Variants in TP53BP1 observed in about 807,000 individuals in gnomAD.
TP53BP1 encodes TP53-binding protein 1.
In TP53BP1, 61 loss-of-function variants were observed where a neutral mutation model predicts 200.8. That is an observed-to-expected ratio of 0.30 (90% CI 0.25 to 0.38). The LOEUF (loss-of-function observed/expected upper bound fraction) is 0.38, where lower values mean the gene tolerates loss of function less well. TP53BP1 is among the 10% of genes least tolerant of loss of function. The pLI, the probability that TP53BP1 is intolerant of heterozygous loss-of-function variation, is 1.00. For synonymous variants in TP53BP1, 822 were observed against 844.3 expected, an observed-to-expected ratio of 0.97 and a Z score of 0.46; for missense variants, 2,144 against 2,371.9, an observed-to-expected ratio of 0.90 and a Z score of 2.00.
chr15:43,481,081 A>G, intron 4 of TP53BP1, 59 bp from the exon 5 acceptor site: 1 of 1,606,038 alleles, frequency 6.2e-7, no homozygotes, highest in Non-Finnish European at 8.5e-7. Flanking sequence ...CTTTAATCAG[A>G]GCACTCTGAC....
At chr15:43,442,519 A>G (rs1436876400) in intron 14 of TP53BP1, among the ~76,000 whole-genome samples, 1 of 150,348 alleles carries the variant, frequency 6.7e-6, no homozygotes, top group Non-Finnish European at 1.5e-5. Context: ...TTTTTTGGAG[A>G]CAGAGTCTTA....
At chr15:43,410,679 A>G (rs959543839) in intron 24 of TP53BP1, among the ~76,000 whole-genome samples, 4 of 152,156 alleles carry the variant, frequency 2.6e-5, no homozygotes, top group African/African-American at 7.2e-5. Context: ...AATCCAGTGC[A>G]TAAGGTTCAA....
In TP53BP1 at chr15:43,479,490, G is replaced by C. The variant is rs751495021; in HGVS notation, c.695C>G (p.Pro232Arg). 1.9e-6 allele frequency: 3 copies of C among 1,613,468 alleles called. No homozygotes were observed. Among genetic ancestry groups the C allele is most frequent in the South Asian group, 2.2e-5 (2 of 90,990 alleles). The change falls in exon 7 of 28, where the codon CCC becomes CGC. Residue 232 changes from proline to arginine, a missense_variant. Physicochemically the swap from Pro to Arg is moderately radical, Grantham distance 103 (BLOSUM62 -2). Around this residue, in one of 4 missense-constraint regions of TP53BP1, gnomAD observed 1,700 missense variants for 1,710.3 expected, o/e 0.99. Coordinates refer to ENST00000382044, the MANE Select transcript of TP53BP1 (RefSeq NM_001141980.3). ...GTCCTTGCTGGACTGTTCTGCTATG[G>C]GGATATCTTCGTTGGACTGTTCTTC... ...KHEEQSNEDIPIAEQSSKDIP... is the reference protein window; with the variant it reads ...KHEEQSNEDIRIAEQSSKDIP...
chr15:43,407,739 G>C (rs2044959170), intron 27 of TP53BP1, 169 bp from the exon 28 acceptor site: 3 of 781,840 alleles, frequency 3.8e-6, no homozygotes, highest in Non-Finnish European at 6.0e-6. Context: ...TAATCACTAT[G>C]TGCTGACCTT....
chr15:43,433,153 A>G (rs1278664515), intron 16 of TP53BP1, among the ~76,000 whole-genome samples: 1 of 152,006 alleles, frequency 6.6e-6, no homozygotes, highest in Admixed American at 6.6e-5. Context: ...TCCCCACCTG[A>G]GCAATATTTT....
intron 23 of TP53BP1, chr15:43,415,202 C>CTTTT (rs763958465): frequency 2.9e-4 from 54 of 187,414 alleles, no homozygotes; most frequent in South Asian, 6.5e-4. Flanking sequence ...TCCTGGCCTT[C>CTTTT]TTTTTTTTTT....
chr15:43,452,817 A>T (rs1427181876), intron 12 of TP53BP1, among the ~76,000 whole-genome samples: 3 of 152,190 alleles, frequency 2.0e-5, no homozygotes, highest in African/African-American at 7.2e-5. Flanking sequence ...CTGCCAATTA[A>T]CAATGTAAAC....
intron 12 of TP53BP1, among the ~76,000 whole-genome samples, chr15:43,455,042 T>TTA (rs1168292343): frequency 2.6e-5 from 4 of 152,204 alleles, no homozygotes; most frequent in Non-Finnish European, 5.9e-5. Flanking sequence ...TACAAATACT[T>TTA]TAGAAAGTAA....
chr15:43,473,915 G>A (rs2046787634), intron 10 of TP53BP1, among the ~76,000 whole-genome samples: 3 of 152,232 alleles, frequency 2.0e-5, no homozygotes, highest in Non-Finnish European at 4.4e-5. Flanking sequence ...TAGGTGCCGT[G>A]GAGCAGGGGG....
At chr15:43,495,348 A>C (rs981197125), upstream of TP53BP1, among the ~76,000 whole-genome samples, 50 of 150,274 alleles carry the variant, frequency 3.3e-4, no homozygotes, top group Admixed American at 3.2e-3. Context: ...AAATACAAAA[A>C]ATCAGCTGGG....
chr15:43,415,479 G>T, intron 23 of TP53BP1, 115 bp downstream of exon 23: 1 of 1,146,290 alleles, frequency 8.7e-7, no homozygotes, highest in Non-Finnish European at 1.3e-6. Context: ...GCAGGACCCC[G>T]ACTTTATAGC....
intron 16 of TP53BP1, among the ~76,000 whole-genome samples, chr15:43,434,691 G>A (rs992637072): frequency 5.3e-5 from 8 of 152,172 alleles, no homozygotes; most frequent in African/African-American, 1.9e-4. Context: ...AAATCTGCCA[G>A]TGCTTTGATC....
At chr15:43,493,289 C>G (rs541613944), upstream of TP53BP1, 7 of 1,326,112 alleles carry the variant, frequency 5.3e-6, no homozygotes, top group Non-Finnish European at 1.0e-6. Flanking sequence ...AACACGGCGG[C>G]GCGTTTCCAT....
intron 10 of TP53BP1, among the ~76,000 whole-genome samples, chr15:43,473,549 C>A (rs2046778826): frequency 6.6e-6 from 1 of 152,082 alleles, no homozygotes; most frequent in South Asian, 2.1e-4. Context: ...GTTTACAAAC[C>A]TTGAGCTAGA....
At chr15:43,421,745 CT>C (rs1192596724) in intron 19 of TP53BP1, 109 bp downstream of exon 19, 1 of 1,445,722 alleles carries the variant, frequency 6.9e-7, no homozygotes, top group East Asian at 2.3e-5. Flanking sequence ...GTTGATTTAT[CT>C]TTAATGGAGG....
At chr15:43,498,617 T>A (rs530180144) in intron 1 of TP53BP1, among the ~76,000 whole-genome samples, 13 of 152,200 alleles carry the variant, frequency 8.5e-5, no homozygotes, top group Non-Finnish European at 1.6e-4. Context: ...TTGAGAAGAC[T>A]ACAAAGACAA....
At position 43,407,237 on chromosome 15, in the gene TP53BP1, C is replaced by CATTT. The variant is rs1408210612; in HGVS notation, c.*142_*145dup. ...AGTTACTACAACCAAAGAGATTCAA[C>CATTT]ATTTATTTTATCATAAAAGTTCAGC... is the stretch of plus-strand genomic sequence containing the variant. On this transcript the variant is annotated 3_prime_UTR_variant, in exon 28 of 28. Transcript: ENST00000382044. 15 of 689,030 alleles carry CATTT rather than the reference C, an allele frequency of 2.2e-5. No individual in the cohort carries two copies. The African/African-American group carries it at 2.5e-4, about 12-fold the overall frequency. 42.7% of individuals were successfully genotyped at this position (689,030 alleles called of 1,614,324 possible). A position where few individuals can be genotyped will look rare whatever the true frequency, so the allele number is the denominator to read the frequency against.
rs1419447581 is a variant in TP53BP1, at chr15:43,416,179, C to G, written c.4873+46G>C. 5 of 1,539,222 alleles carry G rather than the reference C, an allele frequency of 3.2e-6. No homozygotes were observed. In the East Asian group the frequency reaches 1.1e-4, roughly 35 times the overall value. ...GTCCAGAATCTCCTCCCACTGTAAG[C>G]AGAACAGGAGCCCAAAAGCAGCTGT... On this transcript the variant is annotated intron_variant, in intron 22 of 27. Coordinates refer to ENST00000382044, the MANE Select transcript of TP53BP1 (RefSeq NM_001141980.3).
chr15:43,470,518 AT>A (rs1270771736), intron 10 of TP53BP1, among the ~76,000 whole-genome samples: 4 of 152,214 alleles, frequency 2.6e-5, no homozygotes, highest in African/African-American at 7.2e-5. Context: ...CGAACTGATT[AT>A]ATTTGCATTA....
Sources: allele counts gnomAD v4.1 joint callset (sites outside exome capture counted in the v4.1 genomes callset), GRCh38; gene constraint gnomAD v4.1.1; regional missense constraint gnomAD v4.1.1; transcripts MANE v1.5; gene names NCBI Gene and HGNC (gene_info 2026-07-23, HGNC 2026-07-21).